The following CENPH variants were observed in gnomAD, a reference collection of about 807,000 sequenced individuals.
CENPH encodes the protein centromere protein H.
CENPH carries 40 observed loss-of-function variants against 42.9 expected under a neutral mutation model. The ratio of observed to expected loss-of-function variants is 0.93; its 90% CI spans 0.72 to 1.21. CENPH has a LOEUF of 1.21. Among genes scored for constraint, CENPH ranks in the 50% most tolerant of loss-of-function variants. CENPH has a pLI of 0.00. For synonymous variants in CENPH, 88 were observed against 96.5 expected (o/e 0.91, Z 0.52); for missense variants, 302 against 292.9 (o/e 1.03, Z -0.23).
intron 1 of CENPH, 115 bp from the exon 2 acceptor site, chr5:69,191,674 TTATTTA>T: frequency 1.6e-6 from 1 of 631,548 alleles, no homozygotes; most frequent in Non-Finnish European, 2.8e-6. Context: ...AGGAGTTTAA[TTATTTA>T]TATTTATTTT....
intron 7 of CENPH, among the ~76,000 whole-genome samples, chr5:69,204,044 T>TTATTATA (rs1748104879): frequency 1.7e-5 from 1 of 57,342 alleles, no homozygotes; most frequent in Admixed American, 1.9e-4. Flanking sequence ...TTATATATAT[T>TTATTATA]TATATATTAT....
At chr5:69,193,116 A>AAG (rs1747904693) in intron 2 of CENPH, among the ~76,000 whole-genome samples, 1 of 150,036 alleles carries the variant, frequency 6.7e-6, no homozygotes, top group African/African-American at 2.4e-5. Flanking sequence ...AAACAAACAA[A>AAG]ATATATATAT....
intron 5 of CENPH, 199 bp downstream of exon 5, chr5:69,197,308 T>C: frequency 2.5e-6 from 1 of 405,064 alleles, no homozygotes. Flanking sequence ...GGATTGTAAC[T>C]GTAAGAAGCA....
At chr5:69,198,614 A>G (rs1748006514) in intron 5 of CENPH, among the ~76,000 whole-genome samples, 1 of 152,084 alleles carries the variant, frequency 6.6e-6, no homozygotes, top group Non-Finnish European at 1.5e-5. Flanking sequence ...GAATTTGAAC[A>G]CTCATAACTT....
chr5:69,194,567 C>A, intron 2 of CENPH, 80 bp from the exon 3 acceptor site: 1 of 735,684 alleles, frequency 1.4e-6, no homozygotes, highest in Non-Finnish European at 2.3e-6. Context: ...ATGTCTTTTG[C>A]CCTTGTGGCT....
intron 5 of CENPH, among the ~76,000 whole-genome samples, chr5:69,200,799 G>A (rs994809623): frequency 8.3e-5 from 7 of 83,904 alleles, no homozygotes; most frequent in Non-Finnish European, 1.4e-4. Flanking sequence ...GCAGTGGCAC[G>A]ATCTGCTTGG....
chr5:69,191,698 C>A, intron 1 of CENPH, 97 bp from the exon 2 acceptor site: 1 of 715,806 alleles, frequency 1.4e-6, no homozygotes, highest in Non-Finnish European at 2.5e-6. Flanking sequence ...TTTGTTGTAT[C>A]AGCTTCCGAA....
chr5:69,196,602 G>A (rs999489140), intron 4 of CENPH, among the ~76,000 whole-genome samples: 4 of 152,098 alleles, frequency 2.6e-5, no homozygotes, highest in Admixed American at 6.6e-5. Context: ...CCGAGATGAC[G>A]CCACTGTGCA....
In CENPH at chr5:69,200,719, C is replaced by CTTTTTTTTTTTTTTTTTT. The variant is rs70992906; in HGVS notation, c.372-1770_372-1753dup. Among the ~76,000 whole-genome samples, 102 of 46,904 alleles carry CTTTTTTTTTTTTTTTTTT rather than the reference C, an allele frequency of 2.2e-3. 27 individuals carry two copies. The highest frequency in any genetic ancestry group is 5.2e-3 in the East Asian group (6 of 1,154). The allele number at this position is 46,904 out of a possible 152,430, so 30.8% of individuals were successfully genotyped here. ...TCCCAAACTTTCTGAATCAGCGTAT[C>CTTTTTTTTTTTTTTTTTT]TTTTTTTTTTTTTTTTTTTTTTTTT... On this transcript the variant is annotated intron_variant, in intron 5 of 8. Coordinates refer to ENST00000283006, the MANE Select transcript of CENPH (RefSeq NM_022909.4).
chr5:69,190,019 T>C (rs556518067), intron 1 of CENPH, among the ~76,000 whole-genome samples: 6 of 152,274 alleles, frequency 3.9e-5, no homozygotes, highest in African/African-American at 1.2e-4. Flanking sequence ...CCCGGGCCCT[T>C]AGAAGCTGTA....
chr5:69,200,717 ATCTTTT>A (rs1748043616), intron 5 of CENPH, among the ~76,000 whole-genome samples: 1 of 40,976 alleles, frequency 2.4e-5, no homozygotes, highest in Non-Finnish European at 5.8e-5. Flanking sequence ...GAATCAGCGT[ATCTTTT>A]TTTTTTTTTT....
intron 8 of CENPH, among the ~76,000 whole-genome samples, chr5:69,209,470 G>A (rs894043764): frequency 2.0e-5 from 3 of 151,858 alleles, no homozygotes; most frequent in Non-Finnish European, 4.4e-5. Context: ...CCCGGGAGGC[G>A]GAGGTTGCAG....
chr5:69,190,810 A>C (rs1377757418), intron 1 of CENPH, among the ~76,000 whole-genome samples: 2 of 152,118 alleles, frequency 1.3e-5, no homozygotes, highest in African/African-American at 4.8e-5. Context: ...GAATTGATTG[A>C]ACCCGGGAGG....
chr5:69,191,873 T>G (rs1747877639), intron 2 of CENPH, 23 bp downstream of exon 2: 1 of 1,364,166 alleles, frequency 7.3e-7, no homozygotes, highest in Non-Finnish European at 1.0e-6. Flanking sequence ...ATTTTCAAAT[T>G]AGGGTTTTGT....
rs950280744 is a variant in CENPH, at chr5:69,197,282, A to G, written c.371+173A>G. On this transcript the variant is annotated intron_variant, in intron 5 of 8. Transcript: ENST00000283006. Reference sequence around the variant, plus strand: ...TACAGCAACTTTTATAGTTCTAATTATATTTTGTTCCGTATGGATTGTAAC... The same window carrying G: ...TACAGCAACTTTTATAGTTCTAATTGTATTTTGTTCCGTATGGATTGTAAC... 3 of 448,040 alleles carry G rather than the reference A, an allele frequency of 6.7e-6. No individual in the cohort carries two copies. The Admixed American group carries it at 1.2e-4, about 18-fold the overall frequency. The allele number at this position is 448,040 out of a possible 1,614,324, so 27.8% of individuals were successfully genotyped here.
intron 7 of CENPH, among the ~76,000 whole-genome samples, chr5:69,206,538 G>C (rs1748163251): frequency 6.6e-6 from 1 of 151,902 alleles, no homozygotes; most frequent in Non-Finnish European, 1.5e-5. Context: ...ACCCAGGCTG[G>C]AGTGCAATGG....
chr5:69,206,545 A>G (rs943445263), intron 7 of CENPH, among the ~76,000 whole-genome samples: 3 of 151,710 alleles, frequency 2.0e-5, no homozygotes, highest in Non-Finnish European at 2.9e-5. Flanking sequence ...CTGGAGTGCA[A>G]TGGCGTGATC....
intron 5 of CENPH, among the ~76,000 whole-genome samples, chr5:69,197,818 T>A (rs988508228): frequency 1.1e-3 from 164 of 146,480 alleles, no homozygotes; most frequent in African/African-American, 3.1e-3. Context: ...TAAAATTTTT[T>A]AAAAAATAAA....
intron 7 of CENPH, among the ~76,000 whole-genome samples, chr5:69,206,142 G>T (rs955823353): frequency 6.6e-6 from 1 of 150,828 alleles, no homozygotes; most frequent in Non-Finnish European, 1.5e-5. Flanking sequence ...TAAGATTACA[G>T]ACGGGATCCT....
Sources: allele counts gnomAD v4.1 joint callset (sites outside exome capture counted in the v4.1 genomes callset), GRCh38; gene constraint gnomAD v4.1.1; transcripts MANE v1.5; gene names NCBI Gene and HGNC (gene_info 2026-07-23, HGNC 2026-07-21).